The following C2CD3 variants were observed in gnomAD, a reference collection of about 807,000 sequenced individuals.
C2CD3 encodes C2 domain-containing protein 3.
Under a neutral mutation model 234.0 loss-of-function variants are expected in C2CD3, and 148 were observed. The ratio of observed to expected loss-of-function variants is 0.63; its 90% CI spans 0.55 to 0.72. The LOEUF is 0.72. Among genes scored for constraint, C2CD3 ranks in the 30% least tolerant of loss-of-function variants. The pLI is 0.00. For missense variants in C2CD3, 2,577 were observed against 2,811.5 expected (o/e 0.92, Z 1.89); for synonymous variants, 1,000 against 1,035.4 (o/e 0.97, Z 0.66).
intron 24 of C2CD3, among the ~76,000 whole-genome samples, chr11:74,064,227 A>G (rs570858237): frequency 2.6e-5 from 4 of 152,318 alleles, no homozygotes; most frequent in African/African-American, 7.2e-5. Context: ...CAACTTCAGC[A>G]AAGTCTCAGA....
chr11:74,105,728 T>C (rs7933802), intron 13 of C2CD3, among the ~76,000 whole-genome samples: 1,826 of 152,288 alleles, frequency 0.012, 36 homozygotes, highest in African/African-American at 0.042. Flanking sequence ...GTTACTGCTC[T>C]CCTTCTTTAT....
chr11:74,127,476 A>AT (rs1308320958), intron 7 of C2CD3, among the ~76,000 whole-genome samples: 5,805 of 141,612 alleles, frequency 0.041, 137 homozygotes, highest in South Asian at 0.094. Context: ...GGGTTGCTTA[A>AT]TTTTTTTTTT....
rs1457388819 is a variant in C2CD3, at chr11:74,077,819, A to G, written c.4603+296T>C. 8.5e-5 allele frequency among the ~76,000 whole-genome samples: 2 copies of G among 23,648 alleles called. 1 individual carries two copies. The highest frequency in any genetic ancestry group is 5.2e-4 in the African/African-American group (2 of 3,876). 15.5% of individuals were successfully genotyped at this position (23,648 alleles called of 152,430 possible). ...TATATATATATATATATATATATAT[A>G]TATATATATATATATATATATATAT... On this transcript the variant is annotated intron_variant, in intron 23 of 32. Coordinates refer to ENST00000334126, the MANE Select transcript of C2CD3 (RefSeq NM_001286577.2).
Position 74,108,339 on chromosome 11 carries a change from TAAAAG to T in C2CD3, c.1962+690_1962+694del, listed in dbSNP as rs1444194897. Among the ~76,000 whole-genome samples, 12 of 152,052 alleles carry T rather than the reference TAAAAG, an allele frequency of 7.9e-5. No homozygotes were observed. The East Asian group carries it at 1.5e-3, about 20-fold the overall frequency. ...TATTGTATATGTCTTCTGAAAAAAA[TAAAAG>T]AAAACAAGATGTTCTTCATGCTATC... On this transcript the variant is annotated intron_variant, in intron 12 of 32. Coordinates refer to ENST00000334126, the MANE Select transcript of C2CD3 (RefSeq NM_001286577.2).
chr11:74,077,073 C>T (rs1955070714), intron 23 of C2CD3, among the ~76,000 whole-genome samples: 1 of 152,108 alleles, frequency 6.6e-6, no homozygotes, highest in African/African-American at 2.4e-5. Flanking sequence ...ATGCCACCTG[C>T]AAAATGTTAC....
In C2CD3 at chr11:74,168,386, C is replaced by A. The variant is rs756745599; in HGVS notation, c.283G>T (p.Ala95Ser). 2 of 1,613,924 alleles carry A rather than the reference C, an allele frequency of 1.2e-6. No homozygotes were observed. The highest frequency in any genetic ancestry group is 1.7e-6 in the Non-Finnish European group (2 of 1,179,810). ...PKAVRTTTRY[A>S]IRCGPKQFTS... ...AACTGTTTTGGACCACAACGAATAGCGTAACGTGTAGTTGTTCTCACAGCT... is the reference window on the plus strand; with the variant it reads ...AACTGTTTTGGACCACAACGAATAGAGTAACGTGTAGTTGTTCTCACAGCT... The change falls in exon 2 of 33, where the codon GCT becomes TCT. Residue 95 changes from alanine to serine, a missense_variant. Coordinates refer to ENST00000334126, the MANE Select transcript of C2CD3 (RefSeq NM_001286577.2).
chr11:74,073,378 G>A (rs1355526187), intron 24 of C2CD3, among the ~76,000 whole-genome samples: 1 of 152,072 alleles, frequency 6.6e-6, no homozygotes, highest in Non-Finnish European at 1.5e-5. Flanking sequence ...CTTGCGGTCA[G>A]GAGTTCGAGA....
chr11:74,135,800 C>G (rs1726752), intron 5 of C2CD3, among the ~76,000 whole-genome samples: 92,130 of 151,970 alleles, frequency 0.61, 30,041 homozygotes, highest in African/African-American at 0.87. Context: ...CTTGTGGTTG[C>G]AAGACACCTT....
At chr11:74,119,049 A>G (rs1185077562) in intron 8 of C2CD3, among the ~76,000 whole-genome samples, 1 of 151,854 alleles carries the variant, frequency 6.6e-6, no homozygotes, top group Admixed American at 6.6e-5. Flanking sequence ...AGCTGGGACT[A>G]CAGACATGAG....
chr11:74,093,712 G>A, intron 18 of C2CD3, 104 bp downstream of exon 18: 1 of 823,898 alleles, frequency 1.2e-6, no homozygotes, highest in Non-Finnish European at 1.8e-6. Context: ...TGAAGAGGCT[G>A]CTTAGCTTCC....
At chr11:74,062,861 A>C (rs2135446875) in intron 24 of C2CD3, among the ~76,000 whole-genome samples, 1 of 152,274 alleles carries the variant, frequency 6.6e-6, no homozygotes, top group Non-Finnish European at 1.5e-5. Context: ...TGAAAAGGTC[A>C]ACAAAATTGA....
intron 2 of C2CD3, among the ~76,000 whole-genome samples, chr11:74,161,773 A>G (rs1463350951): frequency 6.6e-6 from 1 of 152,034 alleles, no homozygotes; most frequent in East Asian, 1.9e-4. Flanking sequence ...CAATAACTCA[A>G]AAAAGTACAA....
At chr11:74,102,814 T>C (rs111986869) in intron 14 of C2CD3, among the ~76,000 whole-genome samples, 17 of 151,710 alleles carry the variant, frequency 1.1e-4, no homozygotes, top group African/African-American at 3.4e-4. Context: ...GAAGGAGAGA[T>C]TGGAGAAAGA....
intron 29 of C2CD3, 55 bp from the exon 30 acceptor site, chr11:74,037,753 C>T: frequency 1.5e-6 from 2 of 1,346,132 alleles, no homozygotes; most frequent in Non-Finnish European, 2.1e-6. Context: ...AGATTATGAA[C>T]ATCTCTTATG....
chr11:74,048,742 ACT>A (rs1286343507), intron 27 of C2CD3, among the ~76,000 whole-genome samples: 2 of 152,276 alleles, frequency 1.3e-5, no homozygotes, highest in Non-Finnish European at 2.9e-5. Flanking sequence ...GGACCAATGA[ACT>A]CTGTTTTCTT....
At chr11:74,137,709 TGAG>T (rs2135542372) in intron 5 of C2CD3, among the ~76,000 whole-genome samples, 1 of 151,976 alleles carries the variant, frequency 6.6e-6, no homozygotes, top group African/African-American at 2.4e-5. Context: ...CTCAGCCTCC[TGAG>T]TAGTTGGGAC....
At chr11:74,116,873 T>C (rs796284466) in intron 9 of C2CD3, among the ~76,000 whole-genome samples, 1 of 134,328 alleles carries the variant, frequency 7.4e-6, no homozygotes, top group Non-Finnish European at 1.6e-5. Flanking sequence ...CACGTGTATA[T>C]GTATATATAC....
At chr11:74,023,527 A>G (rs1300025774) in intron 32 of C2CD3, among the ~76,000 whole-genome samples, 1 of 152,036 alleles carries the variant, frequency 6.6e-6, no homozygotes, top group African/African-American at 2.4e-5. Context: ...CCTACCACCA[A>G]TCTCTAATCC....
At chr11:74,058,689 A>G (rs1399684118) in intron 24 of C2CD3, among the ~76,000 whole-genome samples, 2 of 152,236 alleles carry the variant, frequency 1.3e-5, no homozygotes, top group East Asian at 3.9e-4. Flanking sequence ...TAATTTTTAC[A>G]AGATCAGGTT....
Sources: allele counts gnomAD v4.1 joint callset (sites outside exome capture counted in the v4.1 genomes callset), GRCh38; gene constraint gnomAD v4.1.1; transcripts MANE v1.5; gene names NCBI Gene and HGNC (gene_info 2026-07-23, HGNC 2026-07-21).